TSHZ1: variants seen among roughly 807,000 people sequenced by gnomAD.
TSHZ1 encodes teashirt homolog 1.
In TSHZ1, 12 loss-of-function variants were observed where a neutral mutation model predicts 67.1. The ratio of observed to expected loss-of-function variants is 0.18; its 90% CI spans 0.11 to 0.29. The LOEUF (loss-of-function observed/expected upper bound fraction) is 0.29. TSHZ1 is among the 10% of genes least tolerant of loss of function. The pLI is 1.00. For missense variants in TSHZ1, 1,305 were observed against 1,413.9 expected (o/e 0.92, Z 1.23); for synonymous variants, 632 against 622.4 (o/e 1.02, Z -0.23).
At chr18:75,237,105 C>G (rs1055597572) in intron 1 of TSHZ1, among the ~76,000 whole-genome samples, 1 of 152,162 alleles carries the variant, frequency 6.6e-6, no homozygotes, top group Non-Finnish European at 1.5e-5. Flanking sequence ...TTTCTTCAGA[C>G]GTGTCAACAG....
At chr18:75,277,875 A>G (rs950928839) in intron 1 of TSHZ1, among the ~76,000 whole-genome samples, 2 of 152,166 alleles carry the variant, frequency 1.3e-5, no homozygotes, top group Non-Finnish European at 2.9e-5. Context: ...CCCAAAAGAC[A>G]TTGTTCCAAT....
rs747462197 is a variant in TSHZ1, at chr18:75,287,812, A to G, written c.2405A>G (p.Tyr802Cys). 9 of 1,614,014 alleles carry G rather than the reference A, an allele frequency of 5.6e-6. No homozygotes were observed. Among genetic ancestry groups the G allele is most frequent in the African/African-American group, 1.3e-5 (1 of 74,936 alleles). ...VKQADAIDRYYYENSDQPIDL... is the reference protein window; with the variant it reads ...VKQADAIDRYCYENSDQPIDL... ...CAGGCCGATGCCATCGACCGCTACT[A>G]TTATGAAAACAGCGACCAGCCCATT... The change falls in exon 2 of 2, where the codon TAT (tyrosine) becomes TGT (cysteine). Residue 802 changes from tyrosine (Y) to cysteine (C), a missense_variant. Physicochemically the swap from Tyr to Cys is radical, Grantham distance 194 (BLOSUM62 -2). Around this residue, in one of 3 missense-constraint regions of TSHZ1, gnomAD observed 909 missense variants for 961.8 expected, o/e 0.95. Transcript: ENST00000580243. This position sits in a 1 kb window ranked among gnomAD's most constrained non-coding sequence, Gnocchi z 5.0.
chr18:75,227,212 G>T (rs1362671805), intron 1 of TSHZ1, among the ~76,000 whole-genome samples: 1 of 152,104 alleles, frequency 6.6e-6, no homozygotes, highest in Admixed American at 6.5e-5. Context: ...CACTCCTGCG[G>T]CAGAAGTTTG....
At chr18:75,282,305 A>T (rs2023697024) in intron 1 of TSHZ1, among the ~76,000 whole-genome samples, 1 of 152,178 alleles carries the variant, frequency 6.6e-6, no homozygotes, top group Non-Finnish European at 1.5e-5. Context: ...CCAGGCCCTG[A>T]GACGCAGCCC....
chr18:75,214,720 A>G (rs1392396881), intron 1 of TSHZ1, among the ~76,000 whole-genome samples: 1 of 152,190 alleles, frequency 6.6e-6, no homozygotes, highest in Admixed American at 6.5e-5. Context: ...TTATGTAAAA[A>G]AAATAAAGAA....
intron 1 of TSHZ1, among the ~76,000 whole-genome samples, chr18:75,218,733 A>C (rs778364949): frequency 1.3e-5 from 2 of 152,234 alleles, no homozygotes; most frequent in Non-Finnish European, 2.9e-5. Flanking sequence ...AAAGCCTATA[A>C]AAAGTAAATG....
chr18:75,253,727 C>T (rs947378853), intron 1 of TSHZ1, among the ~76,000 whole-genome samples: 1 of 152,206 alleles, frequency 6.6e-6, no homozygotes, highest in Non-Finnish European at 1.5e-5. Flanking sequence ...AAAAATTGCC[C>T]ACTGGATAGA....
chr18:75,278,763 G>A (rs2023646387), intron 1 of TSHZ1, among the ~76,000 whole-genome samples: 1 of 152,136 alleles, frequency 6.6e-6, no homozygotes, highest in South Asian at 2.1e-4. Context: ...GCTGGAGGTG[G>A]TCGTCCGGAG....
At chr18:75,231,608 C>G (rs374078267) in intron 1 of TSHZ1, among the ~76,000 whole-genome samples, 6 of 152,268 alleles carry the variant, frequency 3.9e-5, no homozygotes, top group African/African-American at 1.4e-4. Context: ...GATCTTGGCT[C>G]ACTGCAACCT....
rs772186940 is a variant in TSHZ1, at chr18:75,286,592, C to T, written c.1185C>T (p.Arg395=). 2.5e-6 allele frequency: 4 copies of T among 1,614,226 alleles called. No homozygotes were observed. The highest frequency in any genetic ancestry group is 3.4e-6 in the Non-Finnish European group (4 of 1,180,044). Residue 395 remains arginine (R), a synonymous_variant, in exon 2 of 2, where the codon CGC becomes CGT. Coordinates refer to ENST00000580243, the MANE Select transcript of TSHZ1 (RefSeq NM_001308210.2). The surrounding 1 kb of genome is among the most constrained non-coding windows in gnomAD (Gnocchi z 5.1). The part of the protein sequence containing the change: ...AANPYVTPNN[R]YGYQNGASYT... ...ACCCGTACGTCACGCCCAATAACCG[C>T]TATGGCTACCAGAATGGCGCCAGCT...
Position 75,287,121 on chromosome 18 carries a change from T to A in TSHZ1, c.1714T>A (p.Ser572Thr), listed in dbSNP as rs1247167510. Residue 572 changes from serine to threonine, a missense_variant, in exon 2 of 2, where the codon TCA (serine) becomes ACA (threonine). Coordinates refer to ENST00000580243, the MANE Select transcript of TSHZ1 (RefSeq NM_001308210.2). This position sits in a 1 kb window ranked among gnomAD's most constrained non-coding sequence, Gnocchi z 5.0. ...AISKAQNGAP[S>T]WGGYPSIHAA... ...TAGCAAAGCTCAGAATGGTGCGCCC[T>A]CATGGGGTGGCTACCCCAGCATCCA... 1.2e-6 allele frequency: 2 copies of A among 1,613,908 alleles called. No individual in the cohort carries two copies. The highest frequency in any genetic ancestry group is 2.2e-5 in the South Asian group (2 of 91,074).
At chr18:75,221,478 T>C (rs2022844481) in intron 1 of TSHZ1, among the ~76,000 whole-genome samples, 1 of 152,252 alleles carries the variant, frequency 6.6e-6, no homozygotes, top group South Asian at 2.1e-4. Context: ...TAGCAAGAAA[T>C]GGTACGACAT....
chr18:75,288,560 A>G lies in TSHZ1; in HGVS notation c.3153A>G (p.Ala1051=), dbSNP rs553337636. 1.2e-6 allele frequency: 2 copies of G among 1,614,242 alleles called. No homozygotes were observed. Among genetic ancestry groups the G allele is most frequent in the Admixed American group, 1.7e-5 (1 of 60,032 alleles). ...ACCGGACTTTTGCGAGCAAGCACGC[A>G]GTCAAACTGCACCTTAGTAAGACCC... ...LCNRTFASKH[A]VKLHLSKTHG... is the part of the protein sequence containing the mutation. Residue 1051 remains alanine (A), a synonymous_variant, in exon 2 of 2, where the codon GCA becomes GCG. Transcript: ENST00000580243. The surrounding 1 kb of genome is among the most constrained non-coding windows in gnomAD (Gnocchi z 4.9).
rs370322226 is a variant in TSHZ1, at chr18:75,287,620, C to T, written c.2213C>T (p.Pro738Leu). Residue 738 changes from proline (P) to leucine (L), a missense_variant, in exon 2 of 2, where the codon CCG (proline) becomes CTG (leucine). Coordinates refer to ENST00000580243, the MANE Select transcript of TSHZ1 (RefSeq NM_001308210.2). This position sits in a 1 kb window ranked among gnomAD's most constrained non-coding sequence, Gnocchi z 5.0. Reference protein sequence around the residue: ...NNLGIIMDHSPEPSFINPLSA... With the variant: ...NNLGIIMDHSLEPSFINPLSA... ...CTGGGGATCATCATGGACCACTCAC[C>T]GGAGCCTTCCTTCATCAACCCGCTG... 331 of 1,614,172 alleles carry T rather than the reference C, an allele frequency of 2.1e-4. No homozygotes were observed. Among genetic ancestry groups the T allele is most frequent in the Non-Finnish European group, 2.7e-4 (314 of 1,180,052 alleles).
At chr18:75,256,865 G>C (rs1409489952) in intron 1 of TSHZ1, among the ~76,000 whole-genome samples, 5 of 152,196 alleles carry the variant, frequency 3.3e-5, no homozygotes, top group Admixed American at 3.3e-4. Flanking sequence ...CGGATAGTTA[G>C]GTAGCTGGAG....
intron 1 of TSHZ1, among the ~76,000 whole-genome samples, chr18:75,242,243 GATA>G (rs1568357880): frequency 6.6e-6 from 1 of 152,114 alleles, no homozygotes; most frequent in Non-Finnish European, 1.5e-5. Flanking sequence ...AGTTATCATT[GATA>G]ATAAGCAACT....
chr18:75,222,247 T>C (rs1448702046), intron 1 of TSHZ1, among the ~76,000 whole-genome samples: 1 of 151,726 alleles, frequency 6.6e-6, no homozygotes, highest in Non-Finnish European at 1.5e-5. Flanking sequence ...TTTAAGCAGG[T>C]ATTGAACTGG....
At chr18:75,223,288 G>T (rs2022873582) in intron 1 of TSHZ1, among the ~76,000 whole-genome samples, 1 of 152,176 alleles carries the variant, frequency 6.6e-6, no homozygotes, top group African/African-American at 2.4e-5. Flanking sequence ...AAAAGCAGTG[G>T]ATGGGTTTTT....
intron 1 of TSHZ1, chr18:75,284,215 A>T (rs2023721818): frequency 6.6e-6 from 1 of 152,610 alleles, no homozygotes; most frequent in Non-Finnish European, 1.5e-5. Context: ...TCCTGCAGTC[A>T]CAAGTCCAGG....
Sources: allele counts gnomAD v4.1 joint callset (sites outside exome capture counted in the v4.1 genomes callset), GRCh38; gene constraint gnomAD v4.1.1; regional missense constraint gnomAD v4.1.1; non-coding constraint Gnocchi (gnomAD v3.1); transcripts MANE v1.5; gene names NCBI Gene and HGNC (gene_info 2026-07-23, HGNC 2026-07-21).